RFTN1: variants seen among roughly 807,000 people sequenced by gnomAD.
RFTN1 encodes raftlin, lipid raft linker 1, also known as raftlin.
RFTN1 carries 26 observed loss-of-function variants against 46.5 expected under a neutral mutation model. The observed-to-expected ratio is 0.56, with a 90% CI of 0.41 to 0.78. RFTN1 has a LOEUF of 0.78. RFTN1 is among the 30% of genes least tolerant of loss of function. The pLI is 0.00. For synonymous variants in RFTN1, 261 were observed against 284.2 expected, an observed-to-expected ratio of 0.92 and a Z score of 0.82; for missense variants, 693 against 718.7, an observed-to-expected ratio of 0.96 and a Z score of 0.41.
rs1385867318 is a variant in RFTN1, at chr3:16,327,612, T to A, written c.1147-736A>T. Among the ~76,000 whole-genome samples the A allele has an allele frequency of 5.9e-5, 9 of 151,876 alleles. No individual in the cohort carries two copies. On this transcript the variant is annotated intron_variant, in intron 7 of 9. Coordinates refer to ENST00000334133, the MANE Select transcript of RFTN1 (RefSeq NM_015150.2). This position sits in a 1 kb window ranked among gnomAD's most constrained non-coding sequence, Gnocchi z 4.2. ...GTCTCTACTAAAAATACAAAAAAAA[T>A]TAGCCAGGCCTGGTGGCGGGCGCCT... is the stretch of plus-strand genomic sequence containing the variant.
chr3:16,377,793 G>A lies in RFTN1; in HGVS notation c.751C>T (p.Pro251Ser). ...TCCAGTGTCTTGCTCACCCCCTGTG[G>A]TGAAAGTTCTCCACCATCTCCCTCT... ...SGEGDGGELS[P>S]QGVSKTLDGP... The change falls in exon 5 of 10, where the codon CCA (proline) becomes TCA (serine). Residue 251 changes from proline (P) to serine (S), a missense_variant. Physicochemically the swap from Pro to Ser is moderately conservative, Grantham distance 74 (BLOSUM62 -1). Transcript: ENST00000334133. 1 of 1,614,166 alleles carries A rather than the reference G, an allele frequency of 6.2e-7. No individual in the cohort carries two copies. Among genetic ancestry groups the A allele is most frequent in the Non-Finnish European group, 8.5e-7 (1 of 1,180,022 alleles).
chr3:16,497,399 A>G (rs2076643130), intron 1 of RFTN1, among the ~76,000 whole-genome samples: 1 of 152,242 alleles, frequency 6.6e-6, no homozygotes, highest in Non-Finnish European at 1.5e-5. Flanking sequence ...CTTATCCAAT[A>G]AAGCCACTGT....
chr3:16,339,447 A>G (rs1380554456), intron 7 of RFTN1: 1 of 152,182 alleles, frequency 6.6e-6, no homozygotes, highest in Non-Finnish European at 1.5e-5. Context: ...CTGGCTGTTC[A>G]TTAGTCCAAT....
chr3:16,462,423 C>A (rs922033082), intron 2 of RFTN1, among the ~76,000 whole-genome samples: 8 of 152,178 alleles, frequency 5.3e-5, no homozygotes, highest in Admixed American at 5.2e-4. Context: ...AGTTAAGGAC[C>A]TTGGAAAGAG....
At position 16,442,312 on chromosome 3, in the gene RFTN1, G is replaced by A. The variant is rs143710877; in HGVS notation, c.146-8275C>T. The stretch of plus-strand genomic sequence containing the variant: ...TGCACAACCATCAGCTCTATCTATA[G>A]GTTATGAAACATTTTCATCACCCCC... On this transcript the variant is annotated intron_variant, in intron 2 of 9. Transcript: ENST00000334133. The surrounding 1 kb of genome is among the most constrained non-coding windows in gnomAD (Gnocchi z 4.1). Among the ~76,000 whole-genome samples, 131 of 151,940 alleles carry A rather than the reference G, an allele frequency of 8.6e-4. No individual in the cohort carries two copies. Among genetic ancestry groups the A allele is most frequent in the Middle Eastern group, 3.4e-3 (1 of 292 alleles).
At chr3:16,354,375 C>T (rs2072292310) in intron 7 of RFTN1, among the ~76,000 whole-genome samples, 1 of 152,254 alleles carries the variant, frequency 6.6e-6, no homozygotes, top group Non-Finnish European at 1.5e-5. Context: ...ATCTCTCCTC[C>T]ATCTGCTTTC....
chr3:16,388,427 T>C (rs2074260329), intron 4 of RFTN1, among the ~76,000 whole-genome samples: 1 of 152,278 alleles, frequency 6.6e-6, no homozygotes. Context: ...GAAACATCTA[T>C]GAGTCTACAA....
chr3:16,477,846 A>ATAAC (rs2076306930), intron 2 of RFTN1, among the ~76,000 whole-genome samples: 1 of 152,240 alleles, frequency 6.6e-6, no homozygotes, highest in Admixed American at 6.5e-5. Flanking sequence ...AGGCTGATGA[A>ATAAC]TAACTGGTTG....
At chr3:16,478,995 T>C (rs2076325289) in intron 2 of RFTN1, among the ~76,000 whole-genome samples, 1 of 152,166 alleles carries the variant, frequency 6.6e-6, no homozygotes, top group Non-Finnish European at 1.5e-5. Flanking sequence ...AGCAATTCAC[T>C]AGGTACACAA....
chr3:16,477,708 C>T (rs556548083), intron 2 of RFTN1, among the ~76,000 whole-genome samples: 1 of 152,320 alleles, frequency 6.6e-6, no homozygotes, highest in South Asian at 2.1e-4. Context: ...AATTCCTTCT[C>T]ATTTATTTAC....
At chr3:16,366,812 T>C (rs2073206925) in intron 6 of RFTN1, among the ~76,000 whole-genome samples, 1 of 152,160 alleles carries the variant, frequency 6.6e-6, no homozygotes, top group African/African-American at 2.4e-5. Context: ...CCGCTAGGTG[T>C]CCATGGTCAT....
chr3:16,393,962 C>CT (rs758088705), intron 4 of RFTN1, among the ~76,000 whole-genome samples: 3 of 151,796 alleles, frequency 2.0e-5, no homozygotes, highest in South Asian at 2.1e-4. Context: ...CCCGGCCAGA[C>CT]TTTTTTTTAA....
chr3:16,485,360 G>T, intron 2 of RFTN1, among the ~76,000 whole-genome samples: 1 of 151,656 alleles, frequency 6.6e-6, no homozygotes, highest in East Asian at 1.9e-4. Context: ...AAAACAGCAC[G>T]GACTCCATAC....
chr3:16,395,412 C>A (rs1467187592), intron 4 of RFTN1, among the ~76,000 whole-genome samples: 1 of 151,786 alleles, frequency 6.6e-6, no homozygotes, highest in East Asian at 1.9e-4. Flanking sequence ...GGTTATCAAG[C>A]ACTTAAAATA....
chr3:16,366,808 G>C (rs1414960040), intron 6 of RFTN1, among the ~76,000 whole-genome samples: 2 of 152,222 alleles, frequency 1.3e-5, no homozygotes, highest in African/African-American at 4.8e-5. Context: ...GCAACCGCTA[G>C]GTGTCCATGG....
chr3:16,507,967 G>A lies in RFTN1; in HGVS notation c.-9+5475C>T, dbSNP rs1335977533. On this transcript the variant is annotated intron_variant, in intron 1 of 9. Transcript: ENST00000334133. The surrounding 1 kb of genome is among the most constrained non-coding windows in gnomAD (Gnocchi z 7.1). ...ACGACGGGACATTTCAGGTGTAAAC[G>A]CCAGAGAAAGTTGTCAGTGAGGTGC... is the stretch of plus-strand genomic sequence containing the variant. Among the ~76,000 whole-genome samples the A allele has an allele frequency of 2.0e-5, 3 of 152,182 alleles. No homozygotes were observed. The highest frequency in any genetic ancestry group is 4.4e-5 in the Non-Finnish European group (3 of 68,036).
At chr3:16,405,804 G>A (rs1274638602) in intron 4 of RFTN1, among the ~76,000 whole-genome samples, 1 of 152,110 alleles carries the variant, frequency 6.6e-6, no homozygotes, top group Non-Finnish European at 1.5e-5. Context: ...CCTGCATGAT[G>A]GTACTATGAC....
chr3:16,453,318 T>C (rs1195965484), intron 2 of RFTN1, among the ~76,000 whole-genome samples: 2 of 152,212 alleles, frequency 1.3e-5, no homozygotes, highest in African/African-American at 4.8e-5. Flanking sequence ...GATTAAACAA[T>C]TGGCTAAAGA....
chr3:16,401,020 T>A (rs1278095412), intron 4 of RFTN1, among the ~76,000 whole-genome samples: 1 of 151,932 alleles, frequency 6.6e-6, no homozygotes, highest in African/African-American at 2.4e-5. Context: ...CTGAAAAAAA[T>A]GTTCAAATCT....
Sources: gnomAD v4.1 joint callset for allele counts (sites outside exome capture counted in the v4.1 genomes callset) on GRCh38, gnomAD v4.1.1 for gene constraint, Gnocchi (gnomAD v3.1) non-coding constraint, MANE v1.5 for transcripts, NCBI Gene and HGNC (gene_info 2026-07-23, HGNC 2026-07-21) for gene names.